Variants in GALNT16 observed in about 807,000 individuals in gnomAD.
GALNT16 encodes polypeptide N-acetylgalactosaminyltransferase 16.
GALNT16 carries 40 observed loss-of-function variants against 76.1 expected under a neutral mutation model. The observed-to-expected ratio is 0.53, with a 90% CI of 0.41 to 0.68. The LOEUF (loss-of-function observed/expected upper bound fraction) is 0.68. Ranked by LOEUF, GALNT16 falls within the 30% of genes least tolerant of loss-of-function variation. GALNT16 has a pLI of 0.00. For missense variants in GALNT16, 621 were observed against 731.9 expected (o/e 0.85, Z 1.75); for synonymous variants, 276 against 285.2 (o/e 0.97, Z 0.32).
downstream of GALNT16, among the ~76,000 whole-genome samples, chr14:69,360,254 G>A (rs2045716006): frequency 6.6e-6 from 1 of 151,980 alleles, no homozygotes; most frequent in South Asian, 2.1e-4. Context: ...TCAGAAGGCT[G>A]AGGCGGGAGG....
chr14:69,269,613 A>G (rs1346462100), intron 1 of GALNT16, among the ~76,000 whole-genome samples: 1 of 131,134 alleles, frequency 7.6e-6, no homozygotes, highest in Admixed American at 7.8e-5. Flanking sequence ...TGTGTGTTAT[A>G]TGTTGTGTGT....
At chr14:69,370,910 C>T in the GALNT16 span, among the ~76,000 whole-genome samples, 78 of 152,354 alleles carry the variant, frequency 5.1e-4, no homozygotes, top group African/African-American at 1.8e-3. Context: ...CAAGATCCCA[C>T]CTATGCTAGG....
chr14:69,295,090 T>C (rs966306540), intron 1 of GALNT16, among the ~76,000 whole-genome samples: 1 of 152,168 alleles, frequency 6.6e-6, no homozygotes, highest in Non-Finnish European at 1.5e-5. Context: ...AAACATACAA[T>C]GAACCCCCAC....
chr14:69,371,357 G>A, the GALNT16 span, among the ~76,000 whole-genome samples: 1 of 151,876 alleles, frequency 6.6e-6, no homozygotes, highest in African/African-American at 2.4e-5. Flanking sequence ...TGGTTCAAGC[G>A]ATTCTCCTGC....
the GALNT16 span, among the ~76,000 whole-genome samples, chr14:69,363,016 C>T: frequency 6.6e-6 from 1 of 152,210 alleles, no homozygotes; most frequent in African/African-American, 2.4e-5. Context: ...CTTGATGTTT[C>T]AACAAGGCTT....
In GALNT16 at chr14:69,340,105, G is replaced by T. The variant is rs147505614; in HGVS notation, c.1187+486G>T. ...AGAGAGAGAGAAGTAGAACCCTATAGATTAGATTAGTACAGAGCAGGATAG... is the reference window on the plus strand; with the variant it reads ...AGAGAGAGAGAAGTAGAACCCTATATATTAGATTAGTACAGAGCAGGATAG... On this transcript the variant is annotated intron_variant, in intron 11 of 14. Coordinates refer to ENST00000448469, the MANE Select transcript of GALNT16 (RefSeq NM_001168368.2). 1.8e-3 allele frequency among the ~76,000 whole-genome samples: 281 copies of T among 152,318 alleles called. 1 individual carries two copies. Among genetic ancestry groups the T allele is most frequent in the Non-Finnish European group, 2.3e-3 (154 of 68,030 alleles).
intron 2 of GALNT16, among the ~76,000 whole-genome samples, chr14:69,322,972 G>A (rs1201134365): frequency 7.2e-5 from 5 of 69,744 alleles, no homozygotes; most frequent in Non-Finnish European, 1.0e-4. Context: ...GTGTGTGTGT[G>A]TGTGTGTGTG....
At chr14:69,380,741 AT>A in the GALNT16 span, 1 of 632,772 alleles carries the variant, frequency 1.6e-6, no homozygotes, top group South Asian at 2.0e-5. Flanking sequence ...AGATGTGCAC[AT>A]TTCCAAAAAT....
downstream of GALNT16, chr14:69,354,549 C>T (rs911030224): frequency 4.6e-5 from 7 of 152,866 alleles, no homozygotes; most frequent in African/African-American, 1.7e-4. Flanking sequence ...AAGTCCGGGC[C>T]TCCTTTCTGT....
chr14:69,367,757 T>TG, the GALNT16 span, among the ~76,000 whole-genome samples: 5 of 63,622 alleles, frequency 7.9e-5, no homozygotes, highest in African/African-American at 2.3e-4. Flanking sequence ...TGGGGCAGGG[T>TG]GGGGGGGAAC....
At chr14:69,313,907 GAGA>G (rs1371240089) in intron 1 of GALNT16, among the ~76,000 whole-genome samples, 1 of 152,202 alleles carries the variant, frequency 6.6e-6, no homozygotes. Flanking sequence ...GGGGTCAGAG[GAGA>G]TAGCCTTTAA....
chr14:69,309,969 C>A (rs2044993118), intron 1 of GALNT16, among the ~76,000 whole-genome samples: 1 of 151,746 alleles, frequency 6.6e-6, no homozygotes, highest in South Asian at 2.1e-4. Context: ...GAAATTAGTC[C>A]AGCTTTATTG....
rs978628888 is a variant in GALNT16, at chr14:69,352,333, G to A, written c.*165G>A. On this transcript the variant is annotated 3_prime_UTR_variant, in exon 15 of 15. Transcript: ENST00000448469. ...CGTTCTCCAAAGCTTGTTCTAGGAG[G>A]GCGCAGGCGGGCACGCCCCGATGCC... is the stretch of plus-strand genomic sequence containing the variant. 9 of 674,540 alleles carry A rather than the reference G, an allele frequency of 1.3e-5. No homozygotes were observed. In the East Asian group the frequency reaches 2.2e-4, roughly 17 times the overall value. 41.8% of individuals were successfully genotyped at this position (674,540 alleles called of 1,614,324 possible).
chr14:69,342,535 GAAAA>G (rs2045507570), intron 12 of GALNT16, among the ~76,000 whole-genome samples: 1 of 64,872 alleles, frequency 1.5e-5, no homozygotes, highest in Non-Finnish European at 4.9e-5. Flanking sequence ...GAGAGGAAAA[GAAAA>G]GAAAAGGAGA....
At chr14:69,384,433 C>G in the GALNT16 span, among the ~76,000 whole-genome samples, 1 of 152,210 alleles carries the variant, frequency 6.6e-6, no homozygotes, top group African/African-American at 2.4e-5. Flanking sequence ...GATTCAAACC[C>G]AGCTATGTCT....
At chr14:69,301,917 G>C (rs972023676) in intron 1 of GALNT16, among the ~76,000 whole-genome samples, 21 of 152,316 alleles carry the variant, frequency 1.4e-4, no homozygotes, top group Admixed American at 7.8e-4. Context: ...TTGAACCCAG[G>C]AGGCGGGGTT....
intron 1 of GALNT16, among the ~76,000 whole-genome samples, chr14:69,304,626 C>G (rs1432265060): frequency 2.6e-5 from 4 of 152,142 alleles, no homozygotes; most frequent in Non-Finnish European, 4.4e-5. Context: ...TACACCTCCC[C>G]CAATAGCCCC....
chr14:69,317,402 G>A (rs1243449852), intron 1 of GALNT16, among the ~76,000 whole-genome samples: 1 of 152,226 alleles, frequency 6.6e-6, no homozygotes, highest in African/African-American at 2.4e-5. Flanking sequence ...CTCTGAGCTT[G>A]GGGTTGGCGG....
At chr14:69,331,015 A>G (rs2045345639) in intron 6 of GALNT16, among the ~76,000 whole-genome samples, 1 of 152,180 alleles carries the variant, frequency 6.6e-6, no homozygotes, top group African/African-American at 2.4e-5. Context: ...GACTCAAACA[A>G]CTATAATACA....
Sources: allele counts gnomAD v4.1 joint callset (sites outside exome capture counted in the v4.1 genomes callset), GRCh38; gene constraint gnomAD v4.1.1; transcripts MANE v1.5; gene names NCBI Gene and HGNC (gene_info 2026-07-23, HGNC 2026-07-21).